Variants in AKAP6 observed in about 807,000 individuals in gnomAD.
AKAP6 encodes A-kinase anchoring protein 6, also known as A-kinase anchor protein 6.
A neutral mutation model predicts 188.5 loss-of-function variants in AKAP6; 58 were observed. The observed-to-expected ratio is 0.31, with a 90% confidence interval of 0.25 to 0.38. The LOEUF (loss-of-function observed/expected upper bound fraction) is 0.38, where lower values mean the gene tolerates loss of function less well. Among genes scored for constraint, AKAP6 ranks in the 10% least tolerant of loss-of-function variants. AKAP6 has a pLI of 1.00. For missense variants in AKAP6, 2,710 were observed against 2,740.0 expected (o/e 0.99, Z 0.24); for synonymous variants, 989 against 998.6 (o/e 0.99, Z 0.18).
intron 9 of AKAP6, among the ~76,000 whole-genome samples, chr14:32,707,256 C>T (rs1189078994): frequency 6.6e-6 from 1 of 152,034 alleles, no homozygotes; most frequent in Non-Finnish European, 1.5e-5. Context: ...ATGCTATAGT[C>T]CCAAGACATT....
intron 12 of AKAP6, among the ~76,000 whole-genome samples, chr14:32,811,698 C>G (rs2034239753): frequency 6.6e-6 from 1 of 152,168 alleles, no homozygotes; most frequent in Admixed American, 6.5e-5. Flanking sequence ...TGGACAGTTG[C>G]TTTTTTACTT....
intron 4 of AKAP6, among the ~76,000 whole-genome samples, chr14:32,562,342 C>T (rs1335634554): frequency 6.6e-6 from 1 of 152,018 alleles, no homozygotes; most frequent in Non-Finnish European, 1.5e-5. Context: ...AATTGGAGAT[C>T]TAATACTCTT....
At chr14:32,497,150 G>T (rs975375305) in intron 2 of AKAP6, among the ~76,000 whole-genome samples, 2 of 152,122 alleles carry the variant, frequency 1.3e-5, no homozygotes, top group Non-Finnish European at 2.9e-5. Context: ...TCGAATGTGT[G>T]TCACAGTGTT....
At chr14:32,547,278 G>T (rs1010845459) in intron 4 of AKAP6, among the ~76,000 whole-genome samples, 22 of 152,204 alleles carry the variant, frequency 1.4e-4, no homozygotes, top group African/African-American at 5.1e-4. Context: ...ACTGATGAAT[G>T]CTGGAACCCC....
intron 2 of AKAP6, among the ~76,000 whole-genome samples, chr14:32,447,212 G>A (rs1428752190): frequency 6.6e-6 from 1 of 152,126 alleles, no homozygotes; most frequent in Admixed American, 6.5e-5. Flanking sequence ...TAGCACCAGT[G>A]TTTACTACCT....
intron 1 of AKAP6, among the ~76,000 whole-genome samples, chr14:32,419,697 GTTCT>G (rs1298194811): frequency 6.6e-6 from 1 of 152,034 alleles, no homozygotes; most frequent in Admixed American, 6.6e-5. Context: ...ACAGGAAGCA[GTTCT>G]TTCTTGAAGG....
chr14:32,613,942 A>G (rs1347923415), intron 7 of AKAP6, among the ~76,000 whole-genome samples: 1 of 152,192 alleles, frequency 6.6e-6, no homozygotes, highest in Non-Finnish European at 1.5e-5. Flanking sequence ...ATTTTTCAAA[A>G]TTATCATCAA....
At chr14:32,594,383 C>G (rs549411646) in intron 5 of AKAP6, among the ~76,000 whole-genome samples, 115 of 152,204 alleles carry the variant, frequency 7.6e-4, no homozygotes, top group African/African-American at 2.6e-3. Context: ...TTTTTTGTGG[C>G]ATGTTCTATG....
chr14:32,574,969 A>G (rs1386739979), intron 4 of AKAP6, among the ~76,000 whole-genome samples: 2 of 152,158 alleles, frequency 1.3e-5, no homozygotes, highest in East Asian at 3.9e-4. Context: ...TCACAGATTT[A>G]CTGTACACAT....
At chr14:32,808,357 G>A (rs2140108065) in intron 12 of AKAP6, among the ~76,000 whole-genome samples, 1 of 152,244 alleles carries the variant, frequency 6.6e-6, no homozygotes, top group East Asian at 1.9e-4. Flanking sequence ...TTATGGGCCC[G>A]TATTGCCTAC....
intron 7 of AKAP6, among the ~76,000 whole-genome samples, chr14:32,653,977 C>G (rs1261928426): frequency 6.6e-6 from 1 of 152,050 alleles, no homozygotes; most frequent in East Asian, 1.9e-4. Context: ...ATCAGATGGC[C>G]CATGTCTTGG....
At chr14:32,473,499 A>G (rs10872865) in intron 2 of AKAP6, among the ~76,000 whole-genome samples, 51,937 of 152,162 alleles carry the variant, frequency 0.34, 10,360 homozygotes, top group Middle Eastern at 0.47. Flanking sequence ...AATGAGTCAA[A>G]TGTCATACTC....
At chr14:32,533,534 G>A (rs1389376454) in intron 2 of AKAP6, among the ~76,000 whole-genome samples, 1 of 152,180 alleles carries the variant, frequency 6.6e-6, no homozygotes, top group African/African-American at 2.4e-5. Flanking sequence ...CTGTGAAGAA[G>A]TTAAGGAGTG....
intron 1 of AKAP6, among the ~76,000 whole-genome samples, chr14:32,332,038 A>G (rs1305847753): frequency 6.6e-6 from 1 of 152,112 alleles, no homozygotes; most frequent in Non-Finnish European, 1.5e-5. Flanking sequence ...AGTTTTGTGT[A>G]TATCTTATTT....
chr14:32,329,666 A>G (rs1434006537), intron 1 of AKAP6, among the ~76,000 whole-genome samples: 1 of 152,118 alleles, frequency 6.6e-6, no homozygotes, highest in East Asian at 1.9e-4. Context: ...TTTTTCATAA[A>G]CATAAGATGA....
chr14:32,799,436 A>T (rs2033871841), intron 12 of AKAP6, among the ~76,000 whole-genome samples: 1 of 118,394 alleles, frequency 8.4e-6, no homozygotes, highest in African/African-American at 3.2e-5. Context: ...GAATATATGC[A>T]CTTAATGCTG....
chr14:32,510,462 GTATA>G (rs764358765), intron 2 of AKAP6, among the ~76,000 whole-genome samples: 1 of 67,468 alleles, frequency 1.5e-5, no homozygotes, highest in African/African-American at 6.0e-5. Context: ...ATATATATGT[GTATA>G]TATATATATA....
At chr14:32,372,306 G>A (rs1185005300) in intron 1 of AKAP6, among the ~76,000 whole-genome samples, 1 of 150,586 alleles carries the variant, frequency 6.6e-6, no homozygotes, top group Non-Finnish European at 1.5e-5. Flanking sequence ...TGGCTTCTGT[G>A]ACTCTTTGTA....
At chr14:32,598,088 G>A (rs921063213) in intron 5 of AKAP6, among the ~76,000 whole-genome samples, 2 of 152,110 alleles carry the variant, frequency 1.3e-5, no homozygotes, top group Non-Finnish European at 2.9e-5. Flanking sequence ...ACAGTACATA[G>A]TTTCTAAGTG....
Sources: gnomAD v4.1 joint callset for allele counts (sites outside exome capture counted in the v4.1 genomes callset) on GRCh38, gnomAD v4.1.1 for gene constraint, MANE v1.5 for transcripts, NCBI Gene and HGNC (gene_info 2026-07-23, HGNC 2026-07-21) for gene names.